Variants in RORA observed in about 807,000 individuals in gnomAD.
RORA encodes RAR related orphan receptor A, also known as nuclear receptor ROR-alpha.
In RORA, 7 loss-of-function variants were observed where a neutral mutation model predicts 69.5. The ratio of observed to expected loss-of-function variants is 0.10; its 90% confidence interval spans 0.06 to 0.19. RORA has a LOEUF of 0.19. Among genes scored for constraint, RORA ranks in the 10% least tolerant of loss-of-function variants. The pLI is 1.00. For missense variants in RORA, 457 were observed against 663.0 expected (o/e 0.69, Z 3.41); for synonymous variants, 261 against 240.8 (o/e 1.08, Z -0.78).
chr15:60,610,454 G>C (rs1463287243), intron 2 of RORA, among the ~76,000 whole-genome samples: 2 of 152,112 alleles, frequency 1.3e-5, no homozygotes, highest in African/African-American at 4.8e-5. Flanking sequence ...GTGCTCTTTG[G>C]TTTTGTCTGG....
chr15:60,688,862 G>A (rs998624642), intron 1 of RORA, among the ~76,000 whole-genome samples: 1 of 152,208 alleles, frequency 6.6e-6, no homozygotes, highest in Non-Finnish European at 1.5e-5. Context: ...CTAAGCCAAT[G>A]ACTATAGGGC....
intron 1 of RORA, among the ~76,000 whole-genome samples, chr15:60,799,021 C>T (rs1386885142): frequency 6.6e-6 from 1 of 151,508 alleles, no homozygotes; most frequent in Non-Finnish European, 1.5e-5. Context: ...TGAGTCATGC[C>T]GAGAGGGCTG....
intron 1 of RORA, among the ~76,000 whole-genome samples, chr15:60,826,309 TGA>T (rs2072955703): frequency 6.6e-6 from 1 of 152,212 alleles, no homozygotes; most frequent in Non-Finnish European, 1.5e-5. Flanking sequence ...AAATTACTAC[TGA>T]GAGTATTTTC....
intron 1 of RORA, among the ~76,000 whole-genome samples, chr15:60,836,597 A>G (rs1419860376): frequency 2.0e-5 from 3 of 152,050 alleles, no homozygotes; most frequent in Admixed American, 2.0e-4. Flanking sequence ...CTCCCTGAAC[A>G]CTTCCACCCA....
intron 1 of RORA, among the ~76,000 whole-genome samples, chr15:60,684,573 C>T (rs1414572079): frequency 6.6e-6 from 1 of 152,124 alleles, no homozygotes; most frequent in East Asian, 1.9e-4. Flanking sequence ...GTTGAGATCA[C>T]GCCACTGCAC....
chr15:60,824,430 T>C (rs1441096898), intron 1 of RORA, among the ~76,000 whole-genome samples: 1 of 149,004 alleles, frequency 6.7e-6, no homozygotes, highest in Non-Finnish European at 1.5e-5. Flanking sequence ...GCTCTTTTCA[T>C]AGACATCTTC....
chr15:61,218,671 A>AACAC (rs1289661510), intron 1 of RORA, among the ~76,000 whole-genome samples: 133 of 35,256 alleles, frequency 3.8e-3, no homozygotes, highest in South Asian at 7.7e-3. Context: ...TTACTAATAT[A>AACAC]ACTCACACAC....
intron 2 of RORA, among the ~76,000 whole-genome samples, chr15:60,645,947 G>C (rs1347153321): frequency 6.6e-6 from 1 of 152,062 alleles, no homozygotes; most frequent in South Asian, 2.1e-4. Flanking sequence ...AAACAAATCA[G>C]TAAAAAGCAG....
chr15:60,750,320 T>C (rs2071705947), intron 1 of RORA, among the ~76,000 whole-genome samples: 1 of 152,242 alleles, frequency 6.6e-6, no homozygotes, highest in Non-Finnish European at 1.5e-5. Flanking sequence ...CAGTATTTCC[T>C]TTGTTTTAGG....
In RORA at chr15:60,905,286, T is replaced by C. The variant is rs1891505419; in HGVS notation, c.167-226600A>G. On this transcript the variant is annotated intron_variant, in intron 1 of 10. Coordinates refer to ENST00000335670, the MANE Select transcript of RORA (RefSeq NM_134261.3). The surrounding 1 kb of genome is among the most constrained non-coding windows in gnomAD (Gnocchi z 4.8). ...AGAAATGTAAATTCACTGTTTTTTC[T>C]CCAGAGCAGCCAGAGGTTCCTTAAT... 6.6e-6 allele frequency among the ~76,000 whole-genome samples: 1 copy of C among 152,234 alleles called. No individual in the cohort carries two copies. Among genetic ancestry groups the C allele is most frequent in the African/African-American group, 2.4e-5 (1 of 41,462 alleles).
At position 60,493,987 on chromosome 15, in the gene RORA, A is replaced by ACACTCT. The variant is rs548286972; in HGVS notation, c.*3467_*3468insAGAGTG. 3 of 139,254 alleles carry ACACTCT rather than the reference A, an allele frequency of 2.2e-5. No homozygotes were observed. Among genetic ancestry groups the ACACTCT allele is most frequent in the African/African-American group, 8.0e-5 (3 of 37,734 alleles). 8.6% of individuals were successfully genotyped at this position (139,254 alleles called of 1,614,324 possible). A position where few individuals can be genotyped will look rare whatever the true frequency, so the allele number is the denominator to read the frequency against. ...CACACACACACACACACACACACACACTCCTTCCTCACCTGACCCTCAGCC... is the reference window on the plus strand; with the variant it reads ...CACACACACACACACACACACACACACACTCTCTCCTTCCTCACCTGACCCTCAGCC... On this transcript the variant is annotated 3_prime_UTR_variant, in exon 11 of 11. Coordinates refer to ENST00000335670, the MANE Select transcript of RORA (RefSeq NM_134261.3).
chr15:61,007,010 AAGAGG>A (rs1166756033), intron 1 of RORA, among the ~76,000 whole-genome samples: 1 of 152,012 alleles, frequency 6.6e-6, no homozygotes, highest in Non-Finnish European at 1.5e-5. Flanking sequence ...ATTTGTGGTT[AAGAGG>A]TCATGCCAGT....
chr15:60,627,522 C>T, intron 2 of RORA: 1 of 1,458,556 alleles, frequency 6.9e-7, no homozygotes, highest in Non-Finnish European at 9.0e-7. Flanking sequence ...CTCAGAGGCC[C>T]TGTGAATCTG....
chr15:61,085,485 A>G (rs1389404404), intron 1 of RORA, among the ~76,000 whole-genome samples: 2 of 152,250 alleles, frequency 1.3e-5, no homozygotes, highest in Non-Finnish European at 2.9e-5. Context: ...AGACCTTGTT[A>G]TAACAGACTC....
chr15:60,585,101 G>A (rs1277402644), intron 2 of RORA, among the ~76,000 whole-genome samples: 2 of 152,080 alleles, frequency 1.3e-5, no homozygotes, highest in African/African-American at 4.8e-5. Flanking sequence ...GACTTCTTCA[G>A]CAATGCAAAA....
chr15:60,497,888 G>T lies in RORA; in HGVS notation c.1408-269C>A, dbSNP rs1482873831. On this transcript the variant is annotated intron_variant, in intron 10 of 10. Transcript: ENST00000335670. ...AGCCTGGGAAACACGGTGAAACCCT[G>T]TCTCTACCTAAAAAAAAAAAATTAG... Among the ~76,000 whole-genome samples the T allele has an allele frequency of 2.6e-5, 4 of 151,736 alleles. No homozygotes were observed. In the East Asian group the frequency reaches 5.8e-4, roughly 22 times the overall value.
At position 61,213,236 on chromosome 15, in the gene RORA, C is replaced by T. The variant is rs186060406; in HGVS notation, c.166+15817G>A. Among the ~76,000 whole-genome samples the T allele has an allele frequency of 2.5e-4, 38 of 152,326 alleles. No individual in the cohort carries two copies. Among genetic ancestry groups the T allele is most frequent in the African/African-American group, 8.4e-4 (35 of 41,576 alleles). ...CAACTCCACTTCCTGGGGAATCCTA[C>T]CGCAGAGTCAACTCTTCTTCGCCTT... On this transcript the variant is annotated intron_variant, in intron 1 of 10. Transcript: ENST00000335670. The surrounding 1 kb of genome is among the most constrained non-coding windows in gnomAD (Gnocchi z 4.1).
chr15:60,893,430 A>G (rs979357456), intron 1 of RORA, among the ~76,000 whole-genome samples: 5 of 152,176 alleles, frequency 3.3e-5, no homozygotes, highest in African/African-American at 1.2e-4. Context: ...GGGTTTCTGG[A>G]CAACCAAACC....
At chr15:61,180,051 C>CGA (rs950313160) in intron 1 of RORA, among the ~76,000 whole-genome samples, 1 of 143,940 alleles carries the variant, frequency 6.9e-6, no homozygotes, top group Non-Finnish European at 1.5e-5. Flanking sequence ...GGCTGTGGCA[C>CGA]GAGAATCACT....
Sources: gnomAD v4.1 joint callset for allele counts (sites outside exome capture counted in the v4.1 genomes callset) on GRCh38, gnomAD v4.1.1 for gene constraint, Gnocchi (gnomAD v3.1) non-coding constraint, MANE v1.5 for transcripts, NCBI Gene and HGNC (gene_info 2026-07-23, HGNC 2026-07-21) for gene names.